Variants in STK10 observed in about 807,000 individuals in gnomAD.
STK10 encodes serine/threonine-protein kinase 10.
Under a neutral mutation model 113.8 loss-of-function variants are expected in STK10, and 78 were observed. That is an observed-to-expected ratio of 0.69 (90% CI 0.57 to 0.83). The LOEUF is 0.83. Ranked by LOEUF, STK10 falls within the 40% of genes least tolerant of loss-of-function variation. STK10 has a pLI of 0.00. For synonymous variants in STK10, 465 were observed against 494.7 expected (o/e 0.94, Z 0.80); for missense variants, 1,109 against 1,280.1 (o/e 0.87, Z 2.04).
chr5:172,159,794 G>A (rs1358735653), intron 1 of STK10, among the ~76,000 whole-genome samples: 1 of 151,444 alleles, frequency 6.6e-6, no homozygotes, highest in Non-Finnish European at 1.5e-5. Flanking sequence ...CTGCATCCCA[G>A]ACTAGAAAAC....
chr5:172,067,324 T>C (rs1254981503), intron 12 of STK10, among the ~76,000 whole-genome samples: 3 of 151,716 alleles, frequency 2.0e-5, no homozygotes, highest in Non-Finnish European at 4.4e-5. Flanking sequence ...ACCACTGCAC[T>C]CCATCCTGGG....
chr5:172,165,868 A>G (rs1193272042), intron 1 of STK10, among the ~76,000 whole-genome samples: 2 of 150,758 alleles, frequency 1.3e-5, no homozygotes, highest in Non-Finnish European at 2.9e-5. Context: ...ATCTTGGCTC[A>G]CTGCAACCTC....
chr5:172,123,671 C>T (rs1227895510), intron 3 of STK10, among the ~76,000 whole-genome samples: 1 of 152,146 alleles, frequency 6.6e-6, no homozygotes, highest in Admixed American at 6.5e-5. Flanking sequence ...GTGTGATATG[C>T]TACAGCCAAT....
At chr5:172,135,854 C>T (rs1769846091) in intron 2 of STK10, among the ~76,000 whole-genome samples, 1 of 152,028 alleles carries the variant, frequency 6.6e-6, no homozygotes, top group African/African-American at 2.4e-5. Flanking sequence ...TAGAGAAACC[C>T]TGTCTCTACT....
chr5:172,161,463 A>T (rs1450755647), intron 1 of STK10, among the ~76,000 whole-genome samples: 1 of 152,096 alleles, frequency 6.6e-6, no homozygotes, highest in East Asian at 1.9e-4. Context: ...AAAAAAAAAA[A>T]ATAAAAAAAT....
At chr5:172,095,907 G>A (rs943867253) in intron 8 of STK10, among the ~76,000 whole-genome samples, 4 of 152,306 alleles carry the variant, frequency 2.6e-5, no homozygotes, top group Admixed American at 1.3e-4. Flanking sequence ...GGCTCACAGG[G>A]TTTTTACAAA....
chr5:172,131,335 G>A (rs1001963574), intron 2 of STK10, among the ~76,000 whole-genome samples: 19 of 152,190 alleles, frequency 1.2e-4, no homozygotes, highest in African/African-American at 4.3e-4. Flanking sequence ...CGCCTGGCCT[G>A]TCATCAGCTA....
At chr5:172,182,132 G>T (rs889920638) in intron 1 of STK10, among the ~76,000 whole-genome samples, 8 of 151,570 alleles carry the variant, frequency 5.3e-5, no homozygotes, top group Admixed American at 1.3e-4. Flanking sequence ...GTAAAACCCC[G>T]TCTCTACTAA....
chr5:172,102,959 AG>A (rs1452224719), intron 7 of STK10, among the ~76,000 whole-genome samples: 1 of 152,226 alleles, frequency 6.6e-6, no homozygotes, highest in Non-Finnish European at 1.5e-5. Flanking sequence ...CTGATTTCAG[AG>A]CCTGGTTACT....
chr5:172,113,132 T>C (rs1769277335), intron 4 of STK10, among the ~76,000 whole-genome samples: 1 of 152,240 alleles, frequency 6.6e-6, no homozygotes, highest in African/African-American at 2.4e-5. Flanking sequence ...CAAAGTTTTT[T>C]GGTTTTGTGG....
Position 172,054,672 on chromosome 5 carries a change from C to T in STK10, c.2549G>A (p.Arg850Lys). The T allele has an allele frequency of 6.2e-7, 1 of 1,610,494 alleles. No homozygotes were observed. The highest frequency in any genetic ancestry group is 8.5e-7 in the Non-Finnish European group (1 of 1,179,998). The change falls in exon 17 of 19, where the codon AGG (arginine) becomes AAG (lysine). Residue 850 changes from arginine (R) to lysine (K), a missense_variant. Around this residue, in one of 5 missense-constraint regions of STK10, gnomAD observed 885 missense variants for 991.1 expected, o/e 0.89. Coordinates refer to ENST00000176763, the MANE Select transcript of STK10 (RefSeq NM_005990.4). ...TTGCTGCAGCCGCTCCGACTTCTGC[C>T]TCTTCTCCTCCTGCTGGGAGAACTG... ...IKQFSQQEEK[R>K]QKSERLQQQQ... is the part of the protein sequence containing the mutation.
intron 3 of STK10, among the ~76,000 whole-genome samples, chr5:172,119,985 A>C (rs962923567): frequency 3.9e-5 from 6 of 152,162 alleles, no homozygotes; most frequent in Non-Finnish European, 8.8e-5. Flanking sequence ...ATAGGCACCA[A>C]AGCAGAGAGG....
Position 172,042,579 on chromosome 5 carries a change from C to T in STK10, c.*2303G>A, listed in dbSNP as rs971479402. The T allele has an allele frequency of 1.3e-5, 2 of 152,248 alleles. No homozygotes were observed. The highest frequency in any genetic ancestry group is 2.9e-5 in the Non-Finnish European group (2 of 68,044). The allele number at this position is 152,248 out of a possible 1,614,324, so 9.4% of individuals were successfully genotyped here. Reference sequence around the variant, plus strand: ...ACATGGAAATACTGTAAGCAAAGCCCAAAGCAGCCCTGTCTGGTGGTTCCC... The same window carrying T: ...ACATGGAAATACTGTAAGCAAAGCCTAAAGCAGCCCTGTCTGGTGGTTCCC... On this transcript the variant is annotated 3_prime_UTR_variant, in exon 19 of 19. Transcript: ENST00000176763.
intron 1 of STK10, among the ~76,000 whole-genome samples, chr5:172,177,000 G>A (rs890014131): frequency 3.9e-5 from 6 of 151,906 alleles, no homozygotes; most frequent in Admixed American, 6.6e-5. Context: ...ATGGTAAAAC[G>A]CCATCTCTAC....
chr5:172,105,068 G>A (rs1769066889), intron 7 of STK10, among the ~76,000 whole-genome samples: 1 of 152,050 alleles, frequency 6.6e-6, no homozygotes, highest in African/African-American at 2.4e-5. Flanking sequence ...CTGAGGCCAG[G>A]TGTTCTCCTA....
At chr5:172,153,287 A>AG (rs1554123009) in intron 2 of STK10, among the ~76,000 whole-genome samples, 1 of 83,592 alleles carries the variant, frequency 1.2e-5, no homozygotes, top group African/African-American at 5.0e-5. Context: ...ACTCCATCTC[A>AG]AAAAGAAAGA....
At chr5:172,175,407 G>A (rs1157366720) in intron 1 of STK10, among the ~76,000 whole-genome samples, 4 of 152,034 alleles carry the variant, frequency 2.6e-5, no homozygotes, top group Non-Finnish European at 4.4e-5. Flanking sequence ...GAAGGGAGAA[G>A]GAAGCCTTTC....
At chr5:172,122,902 C>T (rs945807047) in intron 3 of STK10, among the ~76,000 whole-genome samples, 4 of 152,200 alleles carry the variant, frequency 2.6e-5, no homozygotes, top group Non-Finnish European at 5.9e-5. Flanking sequence ...GGATTACAGG[C>T]GTGAGCCACC....
chr5:172,093,781 G>A lies in STK10; in HGVS notation c.1185C>T (p.Val395=), dbSNP rs146899945. The change falls in exon 9 of 19, where the codon GTC becomes GTT. Residue 395 remains valine (V), a synonymous_variant. Coordinates refer to ENST00000176763, the MANE Select transcript of STK10 (RefSeq NM_005990.4). The surrounding 1 kb of genome is among the most constrained non-coding windows in gnomAD (Gnocchi z 4.1). ...DRSLQTTSPP[V]VAPGNENGLA... ...GGCCGTTCTCATTTCCAGGGGCCAC[G>A]ACTGGGGGACTGGTGGTTTGGAGGG... 6.8e-6 allele frequency: 11 copies of A among 1,609,254 alleles called. No homozygotes were observed. Among genetic ancestry groups the A allele is most frequent in the African/African-American group, 1.3e-5 (1 of 74,862 alleles).
Sources: allele counts gnomAD v4.1 joint callset (sites outside exome capture counted in the v4.1 genomes callset), GRCh38; gene constraint gnomAD v4.1.1; regional missense constraint gnomAD v4.1.1; non-coding constraint Gnocchi (gnomAD v3.1); transcripts MANE v1.5; gene names NCBI Gene and HGNC (gene_info 2026-07-23, HGNC 2026-07-21).